DPYD: variants seen among roughly 807,000 people sequenced by gnomAD.
DPYD encodes dihydropyrimidine dehydrogenase, also known as dihydropyrimidine dehydrogenase [NADP(+)].
Under a neutral mutation model 116.2 loss-of-function variants are expected in DPYD, and 109 were observed. That is an observed-to-expected ratio of 0.94 (90% CI 0.80 to 1.10). The LOEUF is 1.10. Among genes scored for constraint, DPYD ranks in the 50% least tolerant of loss-of-function variants. The probability of loss-of-function intolerance (pLI) is 0.00; values close to 1 mark genes in which losing one functional copy is unlikely to be tolerated. For synonymous variants in DPYD, 440 were observed against 432.0 expected (o/e 1.02, Z -0.23); for missense variants, 1,302 against 1,254.5 (o/e 1.04, Z -0.57).
chr1:97,180,364 T>C lies in DPYD; in HGVS notation c.2622+12705A>G, dbSNP rs1435685715. On this transcript the variant is annotated intron_variant, in intron 20 of 22. Transcript: ENST00000370192. Reference sequence around the variant, plus strand: ...CTTAACGGGAGATATAACAAATACATGTTTTTCTCAGGAAGAGTATCAGGG... The same window carrying C: ...CTTAACGGGAGATATAACAAATACACGTTTTTCTCAGGAAGAGTATCAGGG... Among the ~76,000 whole-genome samples the C allele has an allele frequency of 3.9e-5, 6 of 152,242 alleles. No homozygotes were observed. The East Asian group carries it at 9.7e-4, about 25-fold the overall frequency.
At chr1:97,407,514 C>T (rs956279833) in intron 14 of DPYD, among the ~76,000 whole-genome samples, 1 of 152,260 alleles carries the variant, frequency 6.6e-6, no homozygotes, top group East Asian at 1.9e-4. Flanking sequence ...TCTAGCTCAT[C>T]ATGTCCCTGT....
At chr1:97,814,270 CA>C (rs1668471995) in intron 3 of DPYD, among the ~76,000 whole-genome samples, 1 of 152,088 alleles carries the variant, frequency 6.6e-6, no homozygotes, top group African/African-American at 2.4e-5. Context: ...AGAGGTTAGA[CA>C]TATGGTTAAT....
At chr1:97,519,191 T>C (rs1648461586) in intron 12 of DPYD, among the ~76,000 whole-genome samples, 1 of 152,108 alleles carries the variant, frequency 6.6e-6, no homozygotes, top group African/African-American at 2.4e-5. Flanking sequence ...AACTGGGCAA[T>C]TTACAAAGGA....
chr1:97,707,762 G>A (rs1045441873), intron 5 of DPYD, among the ~76,000 whole-genome samples: 11 of 151,936 alleles, frequency 7.2e-5, no homozygotes, highest in Non-Finnish European at 1.3e-4. Context: ...TGATACATAT[G>A]AGGCATCTAT....
chr1:97,549,815 T>C, intron 11 of DPYD, 71 bp from the exon 12 acceptor site: 2 of 1,320,198 alleles, frequency 1.5e-6, no homozygotes, highest in Admixed American at 4.3e-5. Flanking sequence ...AATTTTAAAA[T>C]TAAGAAAAAT....
chr1:97,784,183 G>T (rs1178737121), intron 3 of DPYD, among the ~76,000 whole-genome samples: 1 of 152,122 alleles, frequency 6.6e-6, no homozygotes, highest in Non-Finnish European at 1.5e-5. Context: ...AAAGCAAAAT[G>T]GGAGACATGA....
chr1:97,177,734 A>G (rs774502948), intron 20 of DPYD, among the ~76,000 whole-genome samples: 4 of 152,144 alleles, frequency 2.6e-5, no homozygotes, highest in African/African-American at 4.8e-5. Context: ...GAGGAGGCCA[A>G]TTGCTGGATA....
chr1:97,911,609 A>G (rs1039289051), intron 1 of DPYD, among the ~76,000 whole-genome samples: 7 of 152,086 alleles, frequency 4.6e-5, no homozygotes, highest in Non-Finnish European at 8.8e-5. Flanking sequence ...AAATGTACAC[A>G]CACATGCTAG....
At chr1:97,288,692 T>A (rs1338683697) in intron 18 of DPYD, among the ~76,000 whole-genome samples, 1,546 of 140,472 alleles carry the variant, frequency 0.011, 25 homozygotes, top group Middle Eastern at 0.035. Flanking sequence ...AAGCAGTGTG[T>A]AGAGGGAAAT....
In DPYD at chr1:97,515,883, A is replaced by T. The variant is rs1458240015; in HGVS notation, c.1583T>A (p.Ile528Asn). ...TTCTACACTAATGTCCACCAGATCA[A>T]TAGGAGTGTAAAAGAGGGGTAGTTC... Reference protein sequence around the residue: ...KPELPLFYTPIDLVDISVEMA... With the variant: ...KPELPLFYTPNDLVDISVEMA... The change falls in exon 13 of 23, where the codon ATT (isoleucine) becomes AAT (asparagine). Residue 528 changes from isoleucine (I) to asparagine (N), a missense_variant. Transcript: ENST00000370192. The T allele has an allele frequency of 1.2e-6, 2 of 1,612,928 alleles. No homozygotes were observed.
intron 14 of DPYD, among the ~76,000 whole-genome samples, chr1:97,409,173 G>A (rs1284669416): frequency 6.6e-6 from 1 of 152,080 alleles, no homozygotes; most frequent in African/African-American, 2.4e-5. Context: ...AAGCACATGG[G>A]TTTTGTAAAG....
intron 15 of DPYD, among the ~76,000 whole-genome samples, chr1:97,374,718 GAAAAAAAAAAAAA>G (rs144889184): frequency 8.0e-4 from 42 of 52,600 alleles, no homozygotes; most frequent in Admixed American, 1.3e-3. Flanking sequence ...CTCCGTCTCA[GAAAAAAAAAAAAA>G]AAAAAAAAAA....
At chr1:97,313,760 T>C (rs1312370851) in intron 16 of DPYD, among the ~76,000 whole-genome samples, 1 of 151,984 alleles carries the variant, frequency 6.6e-6, no homozygotes. Context: ...TGACTGCCTC[T>C]TTAGTGCTCC....
chr1:97,897,235 C>T (rs72981707), intron 1 of DPYD, among the ~76,000 whole-genome samples: 2,561 of 151,990 alleles, frequency 0.017, 72 homozygotes, highest in African/African-American at 0.058. Context: ...TTCTCACTTG[C>T]ATTATTTCCA....
At chr1:97,143,435 C>T (rs1295500138) in intron 20 of DPYD, among the ~76,000 whole-genome samples, 3 of 152,088 alleles carry the variant, frequency 2.0e-5, no homozygotes, top group Non-Finnish European at 4.4e-5. Flanking sequence ...TAACCACTAT[C>T]TAATGCTGAT....
chr1:97,136,513 T>C (rs1402887207), intron 20 of DPYD, among the ~76,000 whole-genome samples: 1 of 151,888 alleles, frequency 6.6e-6, no homozygotes, highest in Non-Finnish European at 1.5e-5. Flanking sequence ...CGTAATGAGA[T>C]TTTTTTTCCC....
intron 18 of DPYD, among the ~76,000 whole-genome samples, chr1:97,244,858 T>C (rs903102530): frequency 6.6e-6 from 1 of 152,064 alleles, no homozygotes; most frequent in Non-Finnish European, 1.5e-5. Context: ...ATTTATCATT[T>C]AAAATAGACC....
intron 21 of DPYD, among the ~76,000 whole-genome samples, chr1:97,096,919 C>A (rs145342230): frequency 1.3e-5 from 2 of 152,210 alleles, no homozygotes; most frequent in East Asian, 3.9e-4. Flanking sequence ...ACACTCACTG[C>A]GAAGGTCCAC....
intron 5 of DPYD, 138 bp downstream of exon 5, chr1:97,721,372 T>G: frequency 9.6e-7 from 1 of 1,044,956 alleles, no homozygotes; most frequent in Non-Finnish European, 1.4e-6. Flanking sequence ...AAATAAAGTT[T>G]GTTGTACAAA....
Sources: gnomAD v4.1 joint callset for allele counts (sites outside exome capture counted in the v4.1 genomes callset) on GRCh38, gnomAD v4.1.1 for gene constraint, MANE v1.5 for transcripts, NCBI Gene and HGNC (gene_info 2026-07-23, HGNC 2026-07-21) for gene names.